The following MPP7 variants were observed in gnomAD, a reference collection of about 807,000 sequenced individuals.
MPP7 encodes MAGUK p55 scaffold protein 7.
Under a neutral mutation model 76.5 loss-of-function variants are expected in MPP7, and 60 were observed. That is an observed-to-expected ratio of 0.78 (90% CI 0.64 to 0.97). The LOEUF (loss-of-function observed/expected upper bound fraction) is 0.97. Ranked by LOEUF, MPP7 falls within the 50% of genes least tolerant of loss-of-function variation. The probability of loss-of-function intolerance (pLI) is 0.00; values close to 1 mark genes in which losing one functional copy is unlikely to be tolerated. For synonymous variants in MPP7, 237 were observed against 244.5 expected (o/e 0.97, Z 0.29); for missense variants, 641 against 694.0 (o/e 0.92, Z 0.86).
In MPP7 at chr10:28,080,221, TTACTC is replaced by T. The variant is rs1435713503; in HGVS notation, c.1123+9445_1123+9449del. Among the ~76,000 whole-genome samples, 6 of 152,242 alleles carry T rather than the reference TTACTC, an allele frequency of 3.9e-5. No individual in the cohort carries two copies. In the East Asian group the frequency reaches 1.2e-3, roughly 29 times the overall value. ...AGCACCATTTTTTCCAGGCAGCTAT[TTACTC>T]TACGCTTATATAGACTGACTAAAAT... On this transcript the variant is annotated intron_variant, in intron 12 of 16. Transcript: ENST00000683449.
chr10:28,324,448 C>G (rs1762169), intron 2 of MPP7, among the ~76,000 whole-genome samples: 85,595 of 152,010 alleles, frequency 0.56, 25,862 homozygotes, highest in African/African-American at 0.8. Context: ...TTATGTACCA[C>G]GAATGGTTCT....
At chr10:28,252,366 C>G (rs1439965130) in intron 1 of MPP7, among the ~76,000 whole-genome samples, 1 of 152,176 alleles carries the variant, frequency 6.6e-6, no homozygotes, top group East Asian at 1.9e-4. Flanking sequence ...GGCATTCCCC[C>G]ACAGGGGAAT....
intron 8 of MPP7, among the ~76,000 whole-genome samples, chr10:28,121,745 G>A (rs1013554825): frequency 1.3e-5 from 2 of 151,892 alleles, no homozygotes; most frequent in African/African-American, 4.8e-5. Context: ...AGGAAGGGGG[G>A]TAGGGCAAGA....
chr10:28,270,161 G>C (rs756694616), intron 1 of MPP7, among the ~76,000 whole-genome samples: 2 of 152,184 alleles, frequency 1.3e-5, no homozygotes, highest in African/African-American at 4.8e-5. Context: ...CTTGAAGGAT[G>C]ATGAGGTGTT....
chr10:28,245,757 T>C (rs1839413309), intron 1 of MPP7, among the ~76,000 whole-genome samples: 2 of 150,812 alleles, frequency 1.3e-5, no homozygotes, highest in African/African-American at 4.9e-5. Flanking sequence ...AAGGGATGCA[T>C]GAACAAAATA....
At chr10:28,226,811 A>G (rs190906408) in intron 2 of MPP7, among the ~76,000 whole-genome samples, 1 of 152,340 alleles carries the variant, frequency 6.6e-6, no homozygotes, top group East Asian at 1.9e-4. Flanking sequence ...ATTCCCATAA[A>G]GATTCTAAAA....
intron 12 of MPP7, among the ~76,000 whole-genome samples, chr10:28,083,870 A>G (rs1042675969): frequency 1.3e-5 from 2 of 152,156 alleles, no homozygotes; most frequent in African/African-American, 4.8e-5. Context: ...GACACAGGAA[A>G]TACAATTCGC....
At chr10:28,329,394 C>T (rs962655928) in intron 2 of MPP7, among the ~76,000 whole-genome samples, 6 of 151,898 alleles carry the variant, frequency 4.0e-5, no homozygotes, top group Non-Finnish European at 5.9e-5. Flanking sequence ...TTTGGGAAGC[C>T]GAGGCAGGCG....
intron 3 of MPP7, among the ~76,000 whole-genome samples, chr10:28,179,679 G>A (rs1289032556): frequency 2.6e-5 from 4 of 152,108 alleles, no homozygotes; most frequent in Non-Finnish European, 4.4e-5. Flanking sequence ...CAGATGTCCC[G>A]AAGGAATGAG....
intron 1 of MPP7, among the ~76,000 whole-genome samples, chr10:28,252,656 G>A (rs1839650543): frequency 6.6e-6 from 1 of 151,080 alleles, no homozygotes; most frequent in African/African-American, 2.4e-5. Context: ...ACATCATACA[G>A]AGGCGTTAAA....
intron 3 of MPP7, among the ~76,000 whole-genome samples, chr10:28,169,454 T>C (rs1321237021): frequency 6.6e-6 from 1 of 152,256 alleles, no homozygotes; most frequent in Non-Finnish European, 1.5e-5. Context: ...AGTTCAAGGC[T>C]GCACTGAGCT....
At chr10:28,137,350 A>G (rs574487677) in intron 5 of MPP7, among the ~76,000 whole-genome samples, 1 of 152,388 alleles carries the variant, frequency 6.6e-6, no homozygotes, top group African/African-American at 2.4e-5. Context: ...AGTCTTTCAG[A>G]CAGGAGGAAA....
At chr10:28,197,265 C>A (rs1378348777) in intron 3 of MPP7, among the ~76,000 whole-genome samples, 1 of 150,888 alleles carries the variant, frequency 6.6e-6, no homozygotes, top group Non-Finnish European at 1.5e-5. Context: ...TCACTGCAAC[C>A]TCTGCCTCCC....
chr10:28,052,888 A>G lies in MPP7; in HGVS notation c.*1177T>C, dbSNP rs1274861831. 6.6e-6 allele frequency: 1 copy of G among 152,160 alleles called. No individual in the cohort carries two copies. Among genetic ancestry groups the G allele is most frequent in the Non-Finnish European group, 1.5e-5 (1 of 68,040 alleles). The allele number at this position is 152,160 out of a possible 1,614,324, so 9.4% of individuals were successfully genotyped here. A position where few individuals can be genotyped will look rare whatever the true frequency, so the allele number is the denominator to read the frequency against. On this transcript the variant is annotated 3_prime_UTR_variant, in exon 17 of 17. Coordinates refer to ENST00000683449, the MANE Select transcript of MPP7 (RefSeq NM_001318170.2). ...ATGCTCTCTTATAGAACGGATAGAC[A>G]TTTCTAGCATTTTGAATTATATAAT...
Position 28,323,494 on chromosome 10 carries a change from G to A in MPP7, c.-132+6435C>T, listed in dbSNP as rs376915375. Among the ~76,000 whole-genome samples, 7 of 151,820 alleles carry A rather than the reference G, an allele frequency of 4.6e-5. No homozygotes were observed. The South Asian group carries it at 8.3e-4, about 18-fold the overall frequency. ...AAAGAAAGAAATCCCAGCCAAAACC[G>A]GGCTTTGTTTTCCCCAGTATGCAAG... On this transcript the variant is annotated intron_variant, in intron 2 of 11. Coordinates refer to the MPP7 transcript ENST00000441595.
chr10:28,090,576 C>A (rs895944160), intron 11 of MPP7, among the ~76,000 whole-genome samples: 2 of 152,216 alleles, frequency 1.3e-5, no homozygotes. Flanking sequence ...AACAAAGTTT[C>A]TATTACATCC....
chr10:28,166,033 A>AAC (rs1836444381), intron 3 of MPP7, among the ~76,000 whole-genome samples: 1 of 151,634 alleles, frequency 6.6e-6, no homozygotes. Context: ...CAAAAAAAAA[A>AAC]AAAAAAAAAG....
At chr10:28,239,527 G>A (rs1436912496) in intron 1 of MPP7, among the ~76,000 whole-genome samples, 1 of 152,130 alleles carries the variant, frequency 6.6e-6, no homozygotes, top group African/African-American at 2.4e-5. Flanking sequence ...AACCTTGAAG[G>A]AATATTTACT....
chr10:28,094,566 CT>C (rs1300257950), intron 11 of MPP7, among the ~76,000 whole-genome samples: 1 of 152,096 alleles, frequency 6.6e-6, no homozygotes, highest in Non-Finnish European at 1.5e-5. Context: ...CCTCCAACTA[CT>C]TAAAAGAACC....
Sources: allele counts gnomAD v4.1 joint callset (sites outside exome capture counted in the v4.1 genomes callset), GRCh38; gene constraint gnomAD v4.1.1; transcripts MANE v1.5; gene names NCBI Gene and HGNC (gene_info 2026-07-23, HGNC 2026-07-21).